RAB3GAP2: variants seen among roughly 807,000 people sequenced by gnomAD.
RAB3GAP2 encodes the protein RAB3 GTPase activating non-catalytic protein subunit 2.
Under a neutral mutation model 185.3 loss-of-function variants are expected in RAB3GAP2, and 87 were observed. The observed-to-expected ratio is 0.47, with a 90% CI of 0.39 to 0.56. RAB3GAP2 has a LOEUF of 0.56. RAB3GAP2 is among the 20% of genes least tolerant of loss of function. The pLI is 0.00. For synonymous variants in RAB3GAP2, 554 were observed against 576.1 expected (o/e 0.96, Z 0.55); for missense variants, 1,492 against 1,638.2 (o/e 0.91, Z 1.54).
At chr1:220,213,499 T>C (rs956361276) in intron 3 of RAB3GAP2, among the ~76,000 whole-genome samples, 10 of 151,906 alleles carry the variant, frequency 6.6e-5, no homozygotes, top group African/African-American at 9.7e-5. Context: ...AGTTTTCAAA[T>C]TAGAGTTGAA....
chr1:220,230,067 C>T (rs891954180), intron 2 of RAB3GAP2, among the ~76,000 whole-genome samples: 1 of 152,102 alleles, frequency 6.6e-6, no homozygotes, highest in Non-Finnish European at 1.5e-5. Flanking sequence ...TTTACACAAA[C>T]CCCCTCCTTT....
At chr1:220,179,425 C>T (rs373774682) in intron 21 of RAB3GAP2, among the ~76,000 whole-genome samples, 1 of 152,074 alleles carries the variant, frequency 6.6e-6, no homozygotes, top group East Asian at 1.9e-4. Flanking sequence ...ACAGTAATAA[C>T]AGAGGTCTTC....
At chr1:220,192,550 A>G (rs991345176) in intron 13 of RAB3GAP2, among the ~76,000 whole-genome samples, 6 of 152,246 alleles carry the variant, frequency 3.9e-5, no homozygotes, top group Non-Finnish European at 5.9e-5. Flanking sequence ...AGATGAGGCC[A>G]TGTCACTAAG....
chr1:220,178,223 A>C (rs1181402846), intron 21 of RAB3GAP2, among the ~76,000 whole-genome samples: 2 of 152,208 alleles, frequency 1.3e-5, no homozygotes, highest in African/African-American at 4.8e-5. Context: ...AAAAAGGGAA[A>C]TAAAAGATTT....
chr1:220,179,118 T>C (rs1343632430), intron 21 of RAB3GAP2, among the ~76,000 whole-genome samples: 2 of 150,894 alleles, frequency 1.3e-5, no homozygotes, highest in Non-Finnish European at 3.0e-5. Context: ...GACTTTAAGT[T>C]GAAAATTATA....
intron 2 of RAB3GAP2, chr1:220,219,617 T>C (rs1314380005): frequency 1.3e-5 from 2 of 152,214 alleles, no homozygotes; most frequent in Non-Finnish European, 2.9e-5. Context: ...GCCACAGTAT[T>C]GCTCCAGAAG....
At chr1:220,267,930 C>A in intron 1 of RAB3GAP2, 1 of 676,042 alleles carries the variant, frequency 1.5e-6, no homozygotes, top group East Asian at 2.6e-5. Context: ...GCCTATGACC[C>A]AAGGACCTGA....
Position 220,190,299 on chromosome 1 carries a change from A to C in RAB3GAP2, c.1631+78T>G. On this transcript the variant is annotated intron_variant, in intron 15 of 34. Coordinates refer to ENST00000358951, the MANE Select transcript of RAB3GAP2 (RefSeq NM_012414.4). ...AAGGAAACAACAAAATAGCAACTAC[A>C]AAAGAGAGTACAACAAACCTAGGAA... 3.1e-6 allele frequency: 5 copies of C among 1,592,634 alleles called. No individual in the cohort carries two copies. In the East Asian group the frequency reaches 8.9e-5, roughly 28 times the overall value.
intron 1 of RAB3GAP2, among the ~76,000 whole-genome samples, chr1:220,242,013 T>G (rs1659705554): frequency 6.6e-6 from 1 of 152,120 alleles, no homozygotes; most frequent in Non-Finnish European, 1.5e-5. Flanking sequence ...ATTCTATATT[T>G]TCCTTCCTTA....
chr1:220,253,892 T>C (rs1558172078), intron 1 of RAB3GAP2: 2 of 1,613,160 alleles, frequency 1.2e-6, no homozygotes, highest in Non-Finnish European at 1.7e-6. Flanking sequence ...AATGTTGAAG[T>C]GAAAACGAAA....
chr1:220,260,347 A>T (rs981597158), intron 1 of RAB3GAP2, among the ~76,000 whole-genome samples: 3 of 152,228 alleles, frequency 2.0e-5, no homozygotes, highest in African/African-American at 7.2e-5. Context: ...ATCAACGTAA[A>T]TGCCCATCAA....
At position 220,213,740 on chromosome 1, in the gene RAB3GAP2, G is replaced by A. The variant is rs149818106; in HGVS notation, c.304+116C>T. The stretch of plus-strand genomic sequence containing the variant: ...GGGGGCGGAGGAGGAGTTGGGGGGG[G>A]GGGGAGAGAGAGAGAAATAAATAAA... On this transcript the variant is annotated intron_variant, in intron 3 of 34. Coordinates refer to ENST00000358951, the MANE Select transcript of RAB3GAP2 (RefSeq NM_012414.4). The A allele has an allele frequency of 0.059, 58,647 of 1,002,150 alleles. 3,215 individuals are homozygous for A. The highest frequency in any genetic ancestry group is 0.066 in the Non-Finnish European group (46,532 of 707,416). The allele number at this position is 1,002,150 out of a possible 1,614,324, so 62.1% of individuals were successfully genotyped here. A position where few individuals can be genotyped will look rare whatever the true frequency, so the allele number is the denominator to read the frequency against.
chr1:220,256,662 T>C (rs1253305073), intron 1 of RAB3GAP2, among the ~76,000 whole-genome samples: 1 of 152,142 alleles, frequency 6.6e-6, no homozygotes, highest in Non-Finnish European at 1.5e-5. Context: ...AAGAAGGGCA[T>C]TACATAATGG....
intron 14 of RAB3GAP2, among the ~76,000 whole-genome samples, chr1:220,190,812 T>A (rs1028465181): frequency 6.6e-6 from 1 of 152,000 alleles, no homozygotes; most frequent in Non-Finnish European, 1.5e-5. Flanking sequence ...TTTTGAGCCT[T>A]CCCAGCATAA....
rs556259437 is a variant in RAB3GAP2, at chr1:220,272,192, G to A, written c.115+31C>T. On this transcript the variant is annotated intron_variant, in intron 1 of 34. Transcript: ENST00000358951. ...TGAGCAGAGGCCGCGGGTGACGAGGGAAGGAAGGGCGAGGCCAGAGAGGCA... is the reference window on the plus strand; with the variant it reads ...TGAGCAGAGGCCGCGGGTGACGAGGAAAGGAAGGGCGAGGCCAGAGAGGCA... The A allele has an allele frequency of 5.2e-6, 8 of 1,551,474 alleles. No homozygotes were observed. In the African/African-American group the frequency reaches 1.1e-4, roughly 21 times the overall value.
intron 29 of RAB3GAP2, among the ~76,000 whole-genome samples, 165 bp downstream of exon 29, chr1:220,159,214 CCATAGTT>C (rs1657916101): frequency 6.6e-6 from 1 of 152,086 alleles, no homozygotes; most frequent in South Asian, 2.1e-4. Flanking sequence ...TTAAAACTGG[CCATAGTT>C]CATGACCAGT....
chr1:220,221,117 T>C (rs1659298003), intron 2 of RAB3GAP2, among the ~76,000 whole-genome samples: 1 of 152,222 alleles, frequency 6.6e-6, no homozygotes, highest in South Asian at 2.1e-4. Flanking sequence ...GTTTATTTCT[T>C]CATATACTGG....
chr1:220,171,810 C>A, intron 23 of RAB3GAP2, 79 bp downstream of exon 23: 1 of 1,586,148 alleles, frequency 6.3e-7, no homozygotes, highest in South Asian at 1.1e-5. Context: ...AAAAACCCCC[C>A]GAAAAACCCC....
intron 31 of RAB3GAP2, 56 bp downstream of exon 31, chr1:220,157,214 T>C: frequency 1.4e-6 from 2 of 1,425,760 alleles, no homozygotes; most frequent in Admixed American, 1.8e-5. Context: ...TGAAAATCCA[T>C]GTGTCTGCTA....
Sources: allele counts gnomAD v4.1 joint callset (sites outside exome capture counted in the v4.1 genomes callset), GRCh38; gene constraint gnomAD v4.1.1; transcripts MANE v1.5; gene names NCBI Gene and HGNC (gene_info 2026-07-23, HGNC 2026-07-21).